The following FGFR2 variants were observed in gnomAD, a reference collection of about 807,000 sequenced individuals.
The protein encoded by FGFR2 is fibroblast growth factor receptor 2.
Under a neutral mutation model 95.9 loss-of-function variants are expected in FGFR2, and 19 were observed. The ratio of observed to expected loss-of-function variants is 0.20; its 90% CI spans 0.14 to 0.29. The LOEUF is 0.29. Ranked by LOEUF, FGFR2 falls within the 10% of genes least tolerant of loss-of-function variation. The pLI, the probability that FGFR2 is intolerant of heterozygous loss-of-function variation, is 1.00. For missense variants in FGFR2, 707 were observed against 1,056.9 expected, an observed-to-expected ratio of 0.67 and a Z score of 4.59; for synonymous variants, 392 against 393.3, an observed-to-expected ratio of 1.00 and a Z score of 0.04.
intron 2 of FGFR2, 77 bp downstream of exon 2, chr10:121,593,632 A>T (rs1863003379): frequency 7.8e-7 from 1 of 1,284,414 alleles, no homozygotes; most frequent in Non-Finnish European, 1.1e-6. Context: ...AGGGTAGCTG[A>T]TTCTAAAACA....
At chr10:121,567,302 C>T (rs1420515165) in intron 2 of FGFR2, among the ~76,000 whole-genome samples, 1 of 152,130 alleles carries the variant, frequency 6.6e-6, no homozygotes, top group Non-Finnish European at 1.5e-5. Flanking sequence ...GGCATGCATG[C>T]CAAGCCCCAG....
intron 4 of FGFR2, among the ~76,000 whole-genome samples, chr10:121,556,094 A>T (rs967240381): frequency 3.9e-5 from 6 of 152,068 alleles, no homozygotes; most frequent in African/African-American, 1.4e-4. Context: ...GTAGGCACTC[A>T]AGCGTTATTG....
intron 11 of FGFR2, among the ~76,000 whole-genome samples, chr10:121,498,872 CT>C: frequency 6.6e-6 from 1 of 152,308 alleles, no homozygotes; most frequent in Non-Finnish European, 1.5e-5. Flanking sequence ...AATGCCAATT[CT>C]TTCCTAGACC....
chr10:121,492,810 C>T (rs1846306513), intron 13 of FGFR2, among the ~76,000 whole-genome samples: 1 of 152,216 alleles, frequency 6.6e-6, no homozygotes, highest in African/African-American at 2.4e-5. Context: ...CTTAAAGGCC[C>T]ATACAATATC....
chr10:121,564,757 C>T (rs1263355193), intron 3 of FGFR2, among the ~76,000 whole-genome samples, 178 bp from the exon 4 acceptor site: 1 of 152,128 alleles, frequency 6.6e-6, no homozygotes. Flanking sequence ...TCCATGATGA[C>T]AGTTGGTCTA....
At chr10:121,495,073 G>A (rs1201535041) in intron 13 of FGFR2, among the ~76,000 whole-genome samples, 2 of 152,094 alleles carry the variant, frequency 1.3e-5, no homozygotes, top group East Asian at 1.9e-4. Flanking sequence ...ATTTGGAAGC[G>A]ATATCTTGTC....
chr10:121,578,139 G>A (rs983341361), intron 2 of FGFR2, among the ~76,000 whole-genome samples: 13 of 152,152 alleles, frequency 8.5e-5, no homozygotes, highest in African/African-American at 3.1e-4. Context: ...TGTAGCCACC[G>A]CAGACCCCCA....
chr10:121,500,127 A>G (rs890500469), intron 11 of FGFR2, among the ~76,000 whole-genome samples: 3 of 152,254 alleles, frequency 2.0e-5, no homozygotes, highest in Non-Finnish European at 2.9e-5. Flanking sequence ...AACTCTTCTC[A>G]TAAAAGAATA....
chr10:121,539,052 C>A (rs1355264614), intron 5 of FGFR2, among the ~76,000 whole-genome samples: 1 of 152,226 alleles, frequency 6.6e-6, no homozygotes, highest in Non-Finnish European at 1.5e-5. Flanking sequence ...GTACCAATGG[C>A]CACGGGCAGG....
At chr10:121,565,740 T>A (rs2135126584) in intron 2 of FGFR2, 36 bp from the exon 3 acceptor site, 1 of 1,613,582 alleles carries the variant, frequency 6.2e-7, no homozygotes, top group Non-Finnish European at 8.5e-7. Flanking sequence ...CGGAGACAGA[T>A]GGGAAGGAGG....
chr10:121,552,680 A>G (rs980179833), intron 4 of FGFR2, among the ~76,000 whole-genome samples: 7 of 152,218 alleles, frequency 4.6e-5, no homozygotes, highest in African/African-American at 1.7e-4. Context: ...AGCCTGGGTC[A>G]AGGCACACGT....
intron 8 of FGFR2, among the ~76,000 whole-genome samples, chr10:121,516,477 A>C (rs1181883135): frequency 6.6e-6 from 1 of 152,250 alleles, no homozygotes; most frequent in Admixed American, 6.5e-5. Context: ...TAGATGTAAA[A>C]TAAGCATGCA....
chr10:121,577,158 A>AAAAATAG (rs1554858932), intron 2 of FGFR2, among the ~76,000 whole-genome samples: 1 of 13,944 alleles, frequency 7.2e-5, no homozygotes, highest in African/African-American at 2.7e-4. Context: ...AAAAAAAAAA[A>AAAAATAG]ATATATATAT....
chr10:121,567,917 T>C (rs2135159554), intron 2 of FGFR2, among the ~76,000 whole-genome samples: 1 of 152,316 alleles, frequency 6.6e-6, no homozygotes, highest in South Asian at 2.1e-4. Context: ...TATAAGACAA[T>C]CAGAGAGACT....
chr10:121,564,423 C>G, intron 4 of FGFR2, 79 bp downstream of exon 4: 1 of 1,327,542 alleles, frequency 7.5e-7, no homozygotes, highest in Non-Finnish European at 1.1e-6. Context: ...GCAGAAGAGT[C>G]GACAAGAAGA....
At chr10:121,497,977 G>A (rs971026131) in intron 12 of FGFR2, among the ~76,000 whole-genome samples, 45 of 152,344 alleles carry the variant, frequency 3.0e-4, no homozygotes, top group African/African-American at 1.1e-3. Context: ...CAAAGTGCCA[G>A]TAAACATTCA....
At chr10:121,522,901 T>C (rs1414594886) in intron 6 of FGFR2, among the ~76,000 whole-genome samples, 2 of 152,200 alleles carry the variant, frequency 1.3e-5, no homozygotes, top group African/African-American at 4.8e-5. Context: ...ACACCAAGGA[T>C]GTCTCTGCAC....
chr10:121,542,898 G>A (rs1269847909), intron 5 of FGFR2, among the ~76,000 whole-genome samples: 1 of 152,208 alleles, frequency 6.6e-6, no homozygotes, highest in African/African-American at 2.4e-5. Context: ...AGTGAAAGGT[G>A]AAGGGTGAAA....
chr10:121,558,894 C>T (rs1396554771), intron 4 of FGFR2, among the ~76,000 whole-genome samples: 1 of 151,984 alleles, frequency 6.6e-6, no homozygotes, highest in Non-Finnish European at 1.5e-5. Flanking sequence ...ATCTTTAATT[C>T]TTCATTGTTA....
Sources: gnomAD v4.1 joint callset for allele counts (sites outside exome capture counted in the v4.1 genomes callset) on GRCh38, gnomAD v4.1.1 for gene constraint, MANE v1.5 for transcripts, NCBI Gene and HGNC (gene_info 2026-07-23, HGNC 2026-07-21) for gene names.